The following PLP1 variants were observed in gnomAD, a reference collection of about 807,000 sequenced individuals.
PLP1 encodes proteolipid protein 1.
A neutral mutation model predicts 18.5 loss-of-function variants in PLP1; 2 were observed. The observed-to-expected ratio is 0.11, with a 90% CI of 0.04 to 0.34. PLP1 has a LOEUF of 0.34. Ranked by LOEUF, PLP1 falls within the 10% of genes least tolerant of loss-of-function variation. PLP1 has a pLI of 1.00. For missense variants in PLP1, 105 were observed against 207.3 expected (o/e 0.51, Z 3.03); for synonymous variants, 86 against 83.2 (o/e 1.03, Z -0.19).
intron 1 of PLP1, chrX:103,781,026 TA>T (rs2074449270): frequency 5.2e-6 from 1 of 193,180 alleles, no homozygotes; most frequent in African/African-American, 2.9e-5. Context: ...AGCTCTATTG[TA>T]TAGGGTTCTT....
upstream of PLP1, chrX:103,776,747 A>C: frequency 1.4e-5 from 5 of 356,091 alleles, no homozygotes; most frequent in Non-Finnish European, 2.4e-5. Flanking sequence ...AGTATCCCTG[A>C]GTAGGTGGGG....
At chrX:103,779,289 C>A (rs776708243) in intron 1 of PLP1, among the ~76,000 whole-genome samples, 1 of 112,175 alleles carries the variant, frequency 8.9e-6, no homozygotes, top group Admixed American at 9.5e-5. Flanking sequence ...ACCCTGGTAA[C>A]CAGACTGTGA....
rs1398265491 is a variant in PLP1 at position 103,792,005 on chromosome X, C to G, written c.*1407C>G. On this transcript the variant is annotated 3_prime_UTR_variant, in exon 7 of 7. Transcript: ENST00000621218. ...GATATAGATCACATAACAGAATGCA[C>G]CAGTCATCAGCTATTCAGTTGGTAA... The G allele has an allele frequency of 1.8e-5, 2 of 111,340 alleles. No individual in the cohort carries two copies. The highest frequency in any genetic ancestry group is 3.3e-5 in the African/African-American group (1 of 30,580). The allele number at this position is 111,340 out of a possible 1,213,427, so 9.2% of individuals were successfully genotyped here. A position where few individuals can be genotyped will look rare whatever the true frequency, so the allele number is the denominator to read the frequency against.
At chrX:103,784,860 T>A (rs998368493) in intron 1 of PLP1, among the ~76,000 whole-genome samples, 8 of 112,223 alleles carry the variant, frequency 7.1e-5, no homozygotes, top group Non-Finnish European at 1.3e-4. Context: ...TCATATCCCG[T>A]ATAACACCCA....
chrX:103,788,139 G>A (rs2858186), intron 4 of PLP1, among the ~76,000 whole-genome samples, 173 bp downstream of exon 4: 11 of 111,951 alleles, frequency 9.8e-5, no homozygotes, highest in South Asian at 3.7e-4. Context: ...TTTCTTCCCC[G>A]GGAAGGGAAC....
intron 1 of PLP1, among the ~76,000 whole-genome samples, chrX:103,782,982 T>C (rs1163309393): frequency 8.9e-6 from 1 of 112,318 alleles, no homozygotes; most frequent in Non-Finnish European, 1.9e-5. Flanking sequence ...TTCAGAGACT[T>C]TCTTTACTAG....
chrX:103,779,560 C>A (rs2074435875), intron 1 of PLP1, among the ~76,000 whole-genome samples: 1 of 112,068 alleles, frequency 8.9e-6, no homozygotes, highest in Non-Finnish European at 1.9e-5. Context: ...GCCTTCTCTA[C>A]CTCACTTCTC....
intron 1 of PLP1, among the ~76,000 whole-genome samples, chrX:103,782,803 C>A (rs897222347): frequency 0.039 from 4 of 103 alleles, no homozygotes; most frequent in Non-Finnish European, 0.11. Context: ...CTCCCCACCC[C>A]CCGGCTGCAG....
At position 103,780,479 on chromosome X, in the gene PLP1, A is replaced by G. The variant is rs768814398; in HGVS notation, c.4+3480A>G. ...TGTGTGTGTGTGTGTGCGCGTCTGA[A>G]GAGGAGTGGGGAGTATAGGAAACAA... On this transcript the variant is annotated intron_variant, in intron 1 of 6. Coordinates refer to ENST00000621218, the MANE Select transcript of PLP1 (RefSeq NM_000533.5). Among the ~76,000 whole-genome samples the G allele has an allele frequency of 4.2e-5, 4 of 94,836 alleles. No homozygotes were observed. In the East Asian group the frequency reaches 9.1e-4, roughly 22 times the overall value. 82.4% of individuals were successfully genotyped at this position (94,836 alleles called of 115,157 possible). A position where few individuals can be genotyped will look rare whatever the true frequency, so the allele number is the denominator to read the frequency against.
rs12353638 is a variant in PLP1 at position 103,782,307 on chromosome X, T to C, written c.5-3275T>C. Among the ~76,000 whole-genome samples the C allele has an allele frequency of 8.4e-3, 943 of 112,404 alleles. 10 individuals are homozygous for C. Among genetic ancestry groups the C allele is most frequent in the African/African-American group, 0.029 (890 of 30,939 alleles). The stretch of plus-strand genomic sequence containing the variant: ...TTATTTCAGACTTTACATTAGAAAC[T>C]CATTAAAGCCTACTTCTTTCTTGTC... On this transcript the variant is annotated intron_variant, in intron 1 of 6. Coordinates refer to ENST00000621218, the MANE Select transcript of PLP1 (RefSeq NM_000533.5).
At chrX:103,788,200 G>A (rs2074514892) in intron 4 of PLP1, among the ~76,000 whole-genome samples, 1 of 111,836 alleles carries the variant, frequency 8.9e-6, no homozygotes, top group African/African-American at 3.3e-5. Flanking sequence ...TACTCTAGTT[G>A]ACTGCTGTTC....
rs142512292 is a variant in PLP1, at chrX:103,783,364, T to C, written c.5-2218T>C. ...CAGCACAGCTACAGATTGCTTCTTA[T>C]AGAGGCCAAGTTTCCTGGCAGCAAT... On this transcript the variant is annotated intron_variant, in intron 1 of 6. Coordinates refer to ENST00000621218, the MANE Select transcript of PLP1 (RefSeq NM_000533.5). Among the ~76,000 whole-genome samples, 148 of 112,682 alleles carry C rather than the reference T, an allele frequency of 1.3e-3. 1 individual carries two copies. Among genetic ancestry groups the C allele is most frequent in the African/African-American group, 4.6e-3 (144 of 31,048 alleles).
At chrX:103,782,899 C>T (rs2074465543) in intron 1 of PLP1, among the ~76,000 whole-genome samples, 1 of 112,179 alleles carries the variant, frequency 8.9e-6, no homozygotes, top group Non-Finnish European at 1.9e-5. Flanking sequence ...GGGCTCTGTC[C>T]AAGCCCTGAC....
chrX:103,789,780 C>T (rs1374386164), intron 6 of PLP1, among the ~76,000 whole-genome samples: 1 of 111,747 alleles, frequency 8.9e-6, no homozygotes, highest in Non-Finnish European at 1.9e-5. Flanking sequence ...TTGCTATAGC[C>T]TGGAATTCTA....
intron 3 of PLP1, 67 bp from the exon 4 acceptor site, chrX:103,787,731 C>G: frequency 1.0e-6 from 1 of 957,477 alleles, no homozygotes; most frequent in East Asian, 3.1e-5. Flanking sequence ...TCCAGGATCT[C>G]CCAGTTTGTG....
chrX:103,777,567 G>A (rs2074420333), intron 1 of PLP1, among the ~76,000 whole-genome samples: 1 of 112,076 alleles, frequency 8.9e-6, no homozygotes, highest in Admixed American at 9.5e-5. Context: ...GATATGGGTA[G>A]GAGTGTGTGT....
chrX:103,788,671 G>A, intron 5 of PLP1, 161 bp downstream of exon 5: 1 of 529,021 alleles, frequency 1.9e-6, no homozygotes. Flanking sequence ...GAGCCAATGA[G>A]CATAGAAGGT....
chrX:103,780,435 C>CTGTGTGTGTG (rs759765185), intron 1 of PLP1, among the ~76,000 whole-genome samples: 8,182 of 68,181 alleles, frequency 0.12, 258 homozygotes, highest in Non-Finnish European at 0.14. Flanking sequence ...CATTCTGTCT[C>CTGTGTGTGTG]TCTCTGTGTG....
At chrX:103,789,035 CA>C in intron 5 of PLP1, 1 of 371,959 alleles carries the variant, frequency 2.7e-6, no homozygotes, top group Non-Finnish European at 4.7e-6. Flanking sequence ...TCTTTGACAG[CA>C]AAATGTTGAC....
Sources: gnomAD v4.1 joint callset for allele counts (sites outside exome capture counted in the v4.1 genomes callset) on GRCh38, gnomAD v4.1.1 for gene constraint, MANE v1.5 for transcripts, NCBI Gene and HGNC (gene_info 2026-07-23, HGNC 2026-07-21) for gene names.